Variants in RNF43 observed in about 807,000 individuals in gnomAD.
RNF43 encodes ring finger protein 43, also known as E3 ubiquitin-protein ligase RNF43.
Under a neutral mutation model 78.4 loss-of-function variants are expected in RNF43, and 37 were observed. That is an observed-to-expected ratio of 0.47 (90% CI 0.36 to 0.62). The LOEUF (loss-of-function observed/expected upper bound fraction) is 0.62. Ranked by LOEUF, RNF43 falls within the 20% of genes least tolerant of loss-of-function variation. The pLI is 0.00. For synonymous variants in RNF43, 347 were observed against 395.0 expected (o/e 0.88, Z 1.44); for missense variants, 774 against 1,007.9 (o/e 0.77, Z 3.14).
At chr17:58,405,744 AAGAAAG>A (rs1973897007) in intron 2 of RNF43, among the ~76,000 whole-genome samples, 1 of 151,496 alleles carries the variant, frequency 6.6e-6, no homozygotes, top group Non-Finnish European at 1.5e-5. Context: ...GAAAGAAAGA[AAGAAAG>A]AAAGAAAGAA....
At chr17:58,412,726 C>G (rs1974046156) in intron 2 of RNF43, among the ~76,000 whole-genome samples, 1 of 151,692 alleles carries the variant, frequency 6.6e-6, no homozygotes, top group Admixed American at 6.6e-5. Context: ...CAGTTTGGTC[C>G]TTATGAAATT....
At chr17:58,374,066 C>T (rs984243757) in intron 2 of RNF43, among the ~76,000 whole-genome samples, 2 of 152,102 alleles carry the variant, frequency 1.3e-5, no homozygotes, top group African/African-American at 4.8e-5. Flanking sequence ...TAACTCTTTT[C>T]ATCCTCATAA....
At chr17:58,405,973 G>A (rs1973905252) in intron 2 of RNF43, among the ~76,000 whole-genome samples, 1 of 152,156 alleles carries the variant, frequency 6.6e-6, no homozygotes, top group Admixed American at 6.5e-5. Flanking sequence ...AGAGAATCCA[G>A]TGCCCCTTCT....
At chr17:58,368,083 C>T (rs1375005153) in intron 3 of RNF43, among the ~76,000 whole-genome samples, 1 of 152,182 alleles carries the variant, frequency 6.6e-6, no homozygotes, top group African/African-American at 2.4e-5. Context: ...GCTGCAAGCC[C>T]AGGGCTATCT....
At chr17:58,374,095 A>G (rs1319545624) in intron 2 of RNF43, among the ~76,000 whole-genome samples, 2 of 152,110 alleles carry the variant, frequency 1.3e-5, no homozygotes, top group Non-Finnish European at 2.9e-5. Context: ...TCAGGTAGAG[A>G]TTGTTATTGT....
At chr17:58,406,839 C>T (rs1158900997) in intron 2 of RNF43, among the ~76,000 whole-genome samples, 1 of 150,328 alleles carries the variant, frequency 6.7e-6, no homozygotes, top group African/African-American at 2.4e-5. Context: ...AGTAAAATAC[C>T]AACAGTGTTT....
intron 3 of RNF43, among the ~76,000 whole-genome samples, chr17:58,370,131 C>T (rs1324341839): frequency 4.9e-5 from 7 of 142,172 alleles, no homozygotes; most frequent in Admixed American, 1.5e-4. Flanking sequence ...TGCAGTGGCA[C>T]GATCTCGGCT....
At chr17:58,405,715 A>AAAGAAAG (rs1973894580) in intron 2 of RNF43, among the ~76,000 whole-genome samples, 1 of 146,194 alleles carries the variant, frequency 6.8e-6, no homozygotes, top group African/African-American at 2.6e-5. Context: ...AGAAAGAAAG[A>AAAGAAAG]AAGAAAGAAA....
rs1973088361 is a variant in RNF43 at position 58,371,165 on chromosome 17, T to TGATTG, written c.253-137_253-133dup. ...TGGTGCTGTAAAAGAGTAGGCCTTA[T>TGATTG]GATTGGATTGCCTCTTAGTAAGCTA... On this transcript the variant is annotated intron_variant, in intron 2 of 9. Transcript: ENST00000407977. 6 of 858,190 alleles carry TGATTG rather than the reference T, an allele frequency of 7.0e-6. No individual in the cohort carries two copies. In the East Asian group the frequency reaches 1.8e-4, roughly 26 times the overall value. 53.2% of individuals were successfully genotyped at this position (858,190 alleles called of 1,614,324 possible).
intron 3 of RNF43, among the ~76,000 whole-genome samples, chr17:58,363,952 C>T (rs929548987): frequency 6.6e-6 from 1 of 152,170 alleles, no homozygotes; most frequent in Non-Finnish European, 1.5e-5. Flanking sequence ...CCTGCCTTCA[C>T]TAAGAGGTAT....
intron 3 of RNF43, among the ~76,000 whole-genome samples, chr17:58,365,356 C>T (rs1972927666): frequency 6.6e-6 from 1 of 152,204 alleles, no homozygotes; most frequent in Non-Finnish European, 1.5e-5. Context: ...CCTCAGTTTT[C>T]ACACCCCTAG....
intron 3 of RNF43, among the ~76,000 whole-genome samples, chr17:58,365,133 G>A (rs1040803403): frequency 3.9e-5 from 6 of 152,204 alleles, no homozygotes; most frequent in Non-Finnish European, 8.8e-5. Context: ...GAGGTTCATG[G>A]CTTCCATCTT....
At chr17:58,402,042 G>C (rs1323642657) in intron 2 of RNF43, among the ~76,000 whole-genome samples, 1 of 152,170 alleles carries the variant, frequency 6.6e-6, no homozygotes, top group Non-Finnish European at 1.5e-5. Flanking sequence ...CAGCATGTTT[G>C]TTCAGAACCA....
chr17:58,383,721 G>A (rs1046047438), intron 2 of RNF43, among the ~76,000 whole-genome samples: 24 of 152,268 alleles, frequency 1.6e-4, no homozygotes, highest in Non-Finnish European at 2.9e-4. Context: ...GCGTTCAAGC[G>A]ATTCTCCAGC....
chr17:58,370,012 T>G (rs1301029722), intron 3 of RNF43, among the ~76,000 whole-genome samples: 1 of 150,488 alleles, frequency 6.6e-6, no homozygotes, highest in African/African-American at 2.4e-5. Flanking sequence ...AACCATGGCC[T>G]GCAGCAATGT....
At chr17:58,379,046 T>C (rs1973261500) in intron 2 of RNF43, among the ~76,000 whole-genome samples, 1 of 152,158 alleles carries the variant, frequency 6.6e-6, no homozygotes, top group Non-Finnish European at 1.5e-5. Context: ...AAGTTACAGA[T>C]TGCCCACCTA....
At chr17:58,414,336 C>A (rs1312793318) in intron 2 of RNF43, among the ~76,000 whole-genome samples, 3 of 152,120 alleles carry the variant, frequency 2.0e-5, no homozygotes, top group Non-Finnish European at 2.9e-5. Flanking sequence ...TCTGTTCATA[C>A]CACAAAATTA....
chr17:58,352,617 G>A (rs1033967892), downstream of RNF43: 1 of 214,200 alleles, frequency 4.7e-6, no homozygotes, highest in African/African-American at 2.3e-5. Context: ...GTCTCCCTCT[G>A]GATTGTCTCT....
At position 58,358,851 on chromosome 17, in the gene RNF43, G is replaced by T; in HGVS notation, c.953-28C>A. On this transcript the variant is annotated intron_variant, in intron 8 of 9. Coordinates refer to ENST00000407977, the MANE Select transcript of RNF43 (RefSeq NM_017763.6). The surrounding 1 kb of genome is among the most constrained non-coding windows in gnomAD (Gnocchi z 6.2). ...GGAAAAAAGAACCAAGAGCACAGAT[G>T]TTTAACTCTACAAACCTACAGAGAA... 1 of 1,465,738 alleles carries T rather than the reference G, an allele frequency of 6.8e-7. No individual in the cohort carries two copies. Among genetic ancestry groups the T allele is most frequent in the Non-Finnish European group, 9.0e-7 (1 of 1,112,626 alleles). 90.8% of individuals were successfully genotyped at this position (1,465,738 alleles called of 1,614,324 possible).
Sources: gnomAD v4.1 joint callset for allele counts (sites outside exome capture counted in the v4.1 genomes callset) on GRCh38, gnomAD v4.1.1 for gene constraint, Gnocchi (gnomAD v3.1) non-coding constraint, MANE v1.5 for transcripts, NCBI Gene and HGNC (gene_info 2026-07-23, HGNC 2026-07-21) for gene names.